The following HCN1 variants were observed in gnomAD, a reference collection of about 807,000 sequenced individuals.
The protein encoded by HCN1 is hyperpolarization activated cyclic nucleotide gated potassium channel 1.
HCN1 carries 13 observed loss-of-function variants against 78.9 expected under a neutral mutation model. The observed-to-expected ratio is 0.16, with a 90% CI of 0.11 to 0.26. The LOEUF (loss-of-function observed/expected upper bound fraction) is 0.26, where lower values mean the gene tolerates loss of function less well. HCN1 is among the 10% of genes least tolerant of loss of function. The pLI is 1.00. For synonymous variants in HCN1, 552 were observed against 455.5 expected (o/e 1.21, Z -2.70); for missense variants, 810 against 1,154.3 (o/e 0.70, Z 4.32).
At chr5:45,533,220 T>C (rs1467082763) in intron 2 of HCN1, among the ~76,000 whole-genome samples, 1 of 152,186 alleles carries the variant, frequency 6.6e-6, no homozygotes, top group African/African-American at 2.4e-5. Flanking sequence ...TGCACATTTG[T>C]AAAATGAGGA....
At chr5:45,501,288 A>G (rs1271022782) in intron 2 of HCN1, among the ~76,000 whole-genome samples, 1 of 152,212 alleles carries the variant, frequency 6.6e-6, no homozygotes, top group Non-Finnish European at 1.5e-5. Flanking sequence ...CAATGTTCAA[A>G]AAATAATTTT....
chr5:45,488,157 A>C lies in HCN1; in HGVS notation c.850-26150T>G, dbSNP rs186272016. On this transcript the variant is annotated intron_variant, in intron 2 of 7. Coordinates refer to ENST00000303230, the MANE Select transcript of HCN1 (RefSeq NM_021072.4). The stretch of plus-strand genomic sequence containing the variant: ...CCTTGACCACCTGGTTTATTATTGC[A>C]AACTACCTTCTCCCAACACTACCCC... 3.5e-3 allele frequency among the ~76,000 whole-genome samples: 539 copies of C among 151,980 alleles called. 2 individuals are homozygous for C. The highest frequency in any genetic ancestry group is 2.9e-3 in the Non-Finnish European group (199 of 67,894).
At chr5:45,608,919 T>C (rs973273930) in intron 2 of HCN1, among the ~76,000 whole-genome samples, 1 of 151,914 alleles carries the variant, frequency 6.6e-6, no homozygotes, top group African/African-American at 2.4e-5. Context: ...TATGAATCAG[T>C]AGAAGAAAAA....
At chr5:45,658,544 G>A (rs756925530) in intron 1 of HCN1, among the ~76,000 whole-genome samples, 13 of 152,214 alleles carry the variant, frequency 8.5e-5, no homozygotes, top group Non-Finnish European at 1.3e-4. Context: ...CTGAGGTAAC[G>A]GGTTCATCTC....
chr5:45,511,964 A>G (rs1255066023), intron 2 of HCN1, among the ~76,000 whole-genome samples: 1 of 152,086 alleles, frequency 6.6e-6, no homozygotes, highest in Non-Finnish European at 1.5e-5. Flanking sequence ...GTTTACTTGA[A>G]AAGTTATAAT....
intron 2 of HCN1, among the ~76,000 whole-genome samples, chr5:45,469,131 T>C (rs1446615466): frequency 6.6e-6 from 1 of 151,990 alleles, no homozygotes; most frequent in Non-Finnish European, 1.5e-5. Flanking sequence ...ATTTTTTAAC[T>C]GAATCTACCC....
chr5:45,342,201 C>T (rs1361717601), intron 5 of HCN1, among the ~76,000 whole-genome samples: 3 of 150,148 alleles, frequency 2.0e-5, no homozygotes, highest in Non-Finnish European at 4.4e-5. Flanking sequence ...ATTCCATTTT[C>T]TATGATCTTT....
intron 5 of HCN1, among the ~76,000 whole-genome samples, chr5:45,319,256 T>C (rs1746071741): frequency 6.6e-6 from 1 of 151,970 alleles, no homozygotes; most frequent in African/African-American, 2.4e-5. Flanking sequence ...CATACTTCAC[T>C]ACAGTTGCTG....
At chr5:45,419,366 A>C (rs551433519) in intron 3 of HCN1, among the ~76,000 whole-genome samples, 81 of 152,280 alleles carry the variant, frequency 5.3e-4, no homozygotes, top group African/African-American at 1.9e-3. Context: ...AGACAAAAAG[A>C]AGCACACAAG....
chr5:45,374,181 T>C (rs1390319095), intron 4 of HCN1, among the ~76,000 whole-genome samples: 5 of 101,904 alleles, frequency 4.9e-5, no homozygotes, highest in Non-Finnish European at 9.8e-5. Flanking sequence ...ATATATATTA[T>C]ATATTATATA....
intron 1 of HCN1, among the ~76,000 whole-genome samples, chr5:45,682,132 C>G (rs1739712279): frequency 6.6e-6 from 1 of 151,890 alleles, no homozygotes; most frequent in Non-Finnish European, 1.5e-5. Flanking sequence ...GCAAATCAAC[C>G]AGCACCTTGA....
intron 2 of HCN1, among the ~76,000 whole-genome samples, chr5:45,572,449 G>T (rs1743855237): frequency 6.6e-6 from 1 of 151,990 alleles, no homozygotes; most frequent in African/African-American, 2.4e-5. Context: ...TCTGCTCAGG[G>T]CTAATAATAT....
At chr5:45,568,861 G>A (rs1175114700) in intron 2 of HCN1, among the ~76,000 whole-genome samples, 1 of 151,964 alleles carries the variant, frequency 6.6e-6, no homozygotes, top group Non-Finnish European at 1.5e-5. Flanking sequence ...TTAAACTGAA[G>A]GAAACTGATA....
At chr5:45,470,693 C>T (rs1185979380) in intron 2 of HCN1, among the ~76,000 whole-genome samples, 4 of 151,812 alleles carry the variant, frequency 2.6e-5, no homozygotes, top group African/African-American at 9.7e-5. Context: ...AGTAATAAGC[C>T]TTATTTGTAT....
intron 5 of HCN1, among the ~76,000 whole-genome samples, chr5:45,308,753 G>A (rs568499828): frequency 6.6e-6 from 1 of 152,238 alleles, no homozygotes; most frequent in East Asian, 1.9e-4. Context: ...GTACCATGCT[G>A]TTTTGGTTAC....
At chr5:45,458,289 T>A (rs1741066003) in intron 3 of HCN1, among the ~76,000 whole-genome samples, 1 of 151,854 alleles carries the variant, frequency 6.6e-6, no homozygotes. Flanking sequence ...TAAAAATAAT[T>A]TAATGATGGA....
chr5:45,363,897 T>C (rs1308802151), intron 4 of HCN1, among the ~76,000 whole-genome samples: 1 of 152,048 alleles, frequency 6.6e-6, no homozygotes, highest in Non-Finnish European at 1.5e-5. Flanking sequence ...CAGTCTCGGG[T>C]ATGTCTTTAT....
intron 2 of HCN1, among the ~76,000 whole-genome samples, chr5:45,476,244 C>T (rs1287949810): frequency 6.6e-6 from 1 of 152,092 alleles, no homozygotes; most frequent in South Asian, 2.1e-4. Flanking sequence ...TAAGAGAGCC[C>T]TCACCAGATA....
At chr5:45,571,323 G>GT (rs1417726065) in intron 2 of HCN1, among the ~76,000 whole-genome samples, 2 of 152,082 alleles carry the variant, frequency 1.3e-5, no homozygotes, top group African/African-American at 4.8e-5. Flanking sequence ...AAGTTTCATG[G>GT]TTTTTTCTTG....
Sources: gnomAD v4.1 joint callset for allele counts (sites outside exome capture counted in the v4.1 genomes callset) on GRCh38, gnomAD v4.1.1 for gene constraint, MANE v1.5 for transcripts, NCBI Gene and HGNC (gene_info 2026-07-23, HGNC 2026-07-21) for gene names.